The following PPAT variants were observed in gnomAD, a reference collection of about 807,000 sequenced individuals.
The protein encoded by PPAT is amidophosphoribosyltransferase.
Under a neutral mutation model 60.2 loss-of-function variants are expected in PPAT, and 20 were observed. The observed-to-expected ratio is 0.33, with a 90% CI of 0.23 to 0.48. The LOEUF (loss-of-function observed/expected upper bound fraction) is 0.48. PPAT is among the 20% of genes least tolerant of loss of function. The pLI is 0.99. For missense variants in PPAT, 349 were observed against 629.6 expected (o/e 0.55, Z 4.77); for synonymous variants, 194 against 215.1 (o/e 0.90, Z 0.86).
At chr4:56,429,608 C>T (rs1414371714) in intron 1 of PPAT, among the ~76,000 whole-genome samples, 1 of 152,216 alleles carries the variant, frequency 6.6e-6, no homozygotes, top group Non-Finnish European at 1.5e-5. Context: ...ATCACTGCAT[C>T]TCTCTGGATC....
intron 1 of PPAT, among the ~76,000 whole-genome samples, chr4:56,413,217 T>A (rs1194902811): frequency 6.6e-6 from 1 of 152,202 alleles, no homozygotes; most frequent in Non-Finnish European, 1.5e-5. Context: ...TGGAGTGCAG[T>A]GGTGCAATCT....
chr4:56,395,212 A>C lies in PPAT; in HGVS notation c.*140T>G. On this transcript the variant is annotated 3_prime_UTR_variant, in exon 11 of 11. Coordinates refer to ENST00000264220, the MANE Select transcript of PPAT (RefSeq NM_002703.5). ...CACTTTGGTATCCTTTTCAGAAAAA[A>C]AAAAAATCTCAAAACTTATAAACAT... The C allele has an allele frequency of 2.5e-6, 2 of 804,152 alleles. No individual in the cohort carries two copies. Among genetic ancestry groups the C allele is most frequent in the Non-Finnish European group, 3.8e-6 (2 of 531,860 alleles). 49.8% of individuals were successfully genotyped at this position (804,152 alleles called of 1,614,324 possible).
At position 56,435,533 on chromosome 4, in the gene PPAT, A is replaced by T; in HGVS notation, c.-56T>A. 1 of 1,610,816 alleles carries T rather than the reference A, an allele frequency of 6.2e-7. No individual in the cohort carries two copies. The highest frequency in any genetic ancestry group is 8.5e-7 in the Non-Finnish European group (1 of 1,178,972). On this transcript the variant is annotated 5_prime_UTR_variant, in exon 1 of 11. Transcript: ENST00000264220. Reference sequence around the variant, plus strand: ...CCGCTGCGGCCAAGGTGTAAGCACCAACCAGCTGCCAGCTCGGCCCGTCGA... The same window carrying T: ...CCGCTGCGGCCAAGGTGTAAGCACCTACCAGCTGCCAGCTCGGCCCGTCGA...
chr4:56,400,690 C>G (rs1382959325), intron 8 of PPAT, 94 bp downstream of exon 8: 1 of 1,321,036 alleles, frequency 7.6e-7, no homozygotes, highest in Admixed American at 2.5e-5. Flanking sequence ...TTCCTTTCTC[C>G]TTAGAAATGT....
At chr4:56,409,031 T>G (rs1357250812) in intron 1 of PPAT, among the ~76,000 whole-genome samples, 1 of 152,210 alleles carries the variant, frequency 6.6e-6, no homozygotes, top group Non-Finnish European at 1.5e-5. Flanking sequence ...TTGGTGTTTC[T>G]GGGTGAGACA....
intron 6 of PPAT, 139 bp downstream of exon 6, chr4:56,401,970 A>C: frequency 1.6e-6 from 1 of 622,388 alleles, no homozygotes; most frequent in East Asian, 2.8e-5. Context: ...CATAACATGC[A>C]TAAGAAAAAC....
chr4:56,430,404 C>T (rs918407343), intron 1 of PPAT, among the ~76,000 whole-genome samples: 2 of 152,062 alleles, frequency 1.3e-5, no homozygotes, highest in Non-Finnish European at 2.9e-5. Context: ...ATAGAGAAGT[C>T]TACGCTCCTG....
chr4:56,396,148 T>C lies in PPAT; in HGVS notation c.1357+471A>G, dbSNP rs760344168. Among the ~76,000 whole-genome samples the C allele has an allele frequency of 4.6e-5, 7 of 152,212 alleles. No homozygotes were observed. The highest frequency in any genetic ancestry group is 8.8e-5 in the Non-Finnish European group (6 of 68,042). On this transcript the variant is annotated intron_variant, in intron 10 of 10. Transcript: ENST00000264220. This position sits in a 1 kb window ranked among gnomAD's most constrained non-coding sequence, Gnocchi z 4.6. ...CACAATGACTAAATATCATGTGTTA[T>C]TTCCACAGTTTATACATCACCTGAT...
chr4:56,398,578 T>C (rs1716039776), intron 9 of PPAT, among the ~76,000 whole-genome samples: 1 of 151,448 alleles, frequency 6.6e-6, no homozygotes, highest in South Asian at 2.1e-4. Context: ...GCCTCCTAAG[T>C]AGCTGGAATT....
chr4:56,398,759 T>C lies in PPAT; in HGVS notation c.1236+420A>G, dbSNP rs557157040. Reference sequence around the variant, plus strand: ...GTCACTGTGCCCAGCCTATTTTGTGTAGTTAGTCTTTGAATAAATTTTGTA... The same window carrying C: ...GTCACTGTGCCCAGCCTATTTTGTGCAGTTAGTCTTTGAATAAATTTTGTA... On this transcript the variant is annotated intron_variant, in intron 9 of 10. Coordinates refer to ENST00000264220, the MANE Select transcript of PPAT (RefSeq NM_002703.5). 3.9e-5 allele frequency among the ~76,000 whole-genome samples: 6 copies of C among 152,304 alleles called. No homozygotes were observed. The South Asian group carries it at 1.2e-3, about 32-fold the overall frequency.
Position 56,401,413 on chromosome 4 carries a change from A to G in PPAT, c.803T>C (p.Ile268Thr). ...ISRHNVQTLD[I>T]ISRSEGNPVA... ...TGGGTTTCCTTCAGACCTTGATATA[A>G]TATCAAGAGTTTGGACATTGTGTCT... The change falls in exon 7 of 11, where the codon ATT (isoleucine) becomes ACT (threonine). Residue 268 changes from isoleucine to threonine, a missense_variant. Around this residue, in one of 5 missense-constraint regions of PPAT, gnomAD observed 167 missense variants for 328.6 expected, o/e 0.51. Coordinates refer to ENST00000264220, the MANE Select transcript of PPAT (RefSeq NM_002703.5). 1 of 1,607,182 alleles carries G rather than the reference A, an allele frequency of 6.2e-7. No individual in the cohort carries two copies. The highest frequency in any genetic ancestry group is 1.1e-5 in the South Asian group (1 of 90,138).
intron 1 of PPAT, among the ~76,000 whole-genome samples, chr4:56,408,882 T>C (rs1716326818): frequency 6.6e-6 from 1 of 152,114 alleles, no homozygotes; most frequent in Non-Finnish European, 1.5e-5. Context: ...AACCACCACC[T>C]ATAACAATCA....
In PPAT at chr4:56,398,135, G is replaced by A. The variant is rs535061552; in HGVS notation, c.1236+1044C>T. Among the ~76,000 whole-genome samples the A allele has an allele frequency of 4.6e-5, 7 of 152,270 alleles. No individual in the cohort carries two copies. The South Asian group carries it at 6.2e-4, about 14-fold the overall frequency. ...TGTAATCCTAACACTTTGAGAGGCC[G>A]AGGCAGGTGGATCACCTGAGTCCAG... On this transcript the variant is annotated intron_variant, in intron 9 of 10. Coordinates refer to ENST00000264220, the MANE Select transcript of PPAT (RefSeq NM_002703.5).
intron 4 of PPAT, 27 bp from the exon 5 acceptor site, chr4:56,403,212 A>G (rs926692176): frequency 4.4e-6 from 7 of 1,599,706 alleles, no homozygotes; most frequent in Non-Finnish European, 6.0e-6. Context: ...AATTGAATGA[A>G]TAACTTCAGT....
chr4:56,428,345 T>C (rs374215752), intron 1 of PPAT, among the ~76,000 whole-genome samples: 1 of 152,120 alleles, frequency 6.6e-6, no homozygotes, highest in East Asian at 1.9e-4. Context: ...AGAGCATTGA[T>C]ATGGTCTGAT....
intron 5 of PPAT, 49 bp from the exon 6 acceptor site, chr4:56,402,230 G>A: frequency 3.5e-6 from 5 of 1,424,156 alleles, no homozygotes; most frequent in South Asian, 1.2e-5. Flanking sequence ...AATTTTAAGA[G>A]GCTATTTCAA....
In PPAT at chr4:56,425,790, T is replaced by C. The variant is rs544577397; in HGVS notation, c.128+9560A>G. Among the ~76,000 whole-genome samples, 17 of 152,302 alleles carry C rather than the reference T, an allele frequency of 1.1e-4. No individual in the cohort carries two copies. The South Asian group carries it at 3.5e-3, about 32-fold the overall frequency. On this transcript the variant is annotated intron_variant, in intron 1 of 10. Transcript: ENST00000264220. ...CATGAAGGAGAGTGGGGCTGGAGGT[T>C]GAGTTCCATCTTGCAGCCAATGACT... is the stretch of plus-strand genomic sequence containing the variant.
At position 56,400,918 on chromosome 4, in the gene PPAT, T is replaced by C. The variant is rs1716092503; in HGVS notation, c.887-7A>G. The C allele has an allele frequency of 5.0e-6, 8 of 1,608,218 alleles. No individual in the cohort carries two copies. The highest frequency in any genetic ancestry group is 6.8e-6 in the Non-Finnish European group (8 of 1,175,218). ...ACTGTATAAACCATTTGGTCTGGTG[T>C]GTTTGGAAAAGGAGAGAGAGTATTT... On this transcript the variant is annotated splice_polypyrimidine_tract_variant and splice_region_variant and intron_variant, in intron 7 of 10. Coordinates refer to ENST00000264220, the MANE Select transcript of PPAT (RefSeq NM_002703.5).
At chr4:56,397,193 T>TA (rs1560636460) in intron 9 of PPAT, among the ~76,000 whole-genome samples, 1 of 152,198 alleles carries the variant, frequency 6.6e-6, no homozygotes, top group Non-Finnish European at 1.5e-5. Context: ...CCATTTTTGC[T>TA]ACGCAGTCTT....
Sources: allele counts gnomAD v4.1 joint callset (sites outside exome capture counted in the v4.1 genomes callset), GRCh38; gene constraint gnomAD v4.1.1; regional missense constraint gnomAD v4.1.1; non-coding constraint Gnocchi (gnomAD v3.1); transcripts MANE v1.5; gene names NCBI Gene and HGNC (gene_info 2026-07-23, HGNC 2026-07-21).